The following ERC1 variants were observed in gnomAD, a reference collection of about 807,000 sequenced individuals.
ERC1 encodes RAB6 interacting protein 2.
A neutral mutation model predicts 132.0 loss-of-function variants in ERC1; 56 were observed. The observed-to-expected ratio is 0.42, with a 90% confidence interval of 0.34 to 0.53. The LOEUF (loss-of-function observed/expected upper bound fraction) is 0.53, where lower values mean the gene tolerates loss of function less well. ERC1 is among the 20% of genes least tolerant of loss of function. The pLI is 0.03. For missense variants in ERC1, 1,202 were observed against 1,349.9 expected, an observed-to-expected ratio of 0.89 and a Z score of 1.72; for synonymous variants, 478 against 476.1, an observed-to-expected ratio of 1.00 and a Z score of -0.05.
intron 13 of ERC1, among the ~76,000 whole-genome samples, chr12:1,251,815 T>C (rs971730557): frequency 6.6e-6 from 1 of 152,164 alleles, no homozygotes; most frequent in Non-Finnish European, 1.5e-5. Context: ...TAATGTGCTC[T>C]CCATAAAATG....
At chr12:1,470,752 T>G (rs1200651831) in intron 18 of ERC1, among the ~76,000 whole-genome samples, 4 of 152,240 alleles carry the variant, frequency 2.6e-5, no homozygotes, top group Non-Finnish European at 1.5e-5. Context: ...GCTTCTTTGT[T>G]TAGAATACTC....
intron 15 of ERC1, among the ~76,000 whole-genome samples, chr12:1,304,026 G>A (rs1233130783): frequency 6.7e-6 from 1 of 148,366 alleles, no homozygotes; most frequent in African/African-American, 2.5e-5. Flanking sequence ...TTTTTCTCAT[G>A]TATGATGAAG....
In ERC1 at chr12:1,357,981, T is replaced by C. The variant is rs557431541; in HGVS notation, c.2781-13852T>C. Among the ~76,000 whole-genome samples, 28 of 152,246 alleles carry C rather than the reference T, an allele frequency of 1.8e-4. No individual in the cohort carries two copies. The South Asian group carries it at 5.6e-3, about 30-fold the overall frequency. ...TGCCAGCTATTTTTAAAGGCAGATA[T>C]GTAGAAAGCAGAAGATCCTAAATTC... On this transcript the variant is annotated intron_variant, in intron 15 of 18. Coordinates refer to ENST00000360905, the MANE Select transcript of ERC1 (RefSeq NM_178040.4).
At position 1,221,073 on chromosome 12, in the gene ERC1, G is replaced by C. The variant is rs114332284; in HGVS notation, c.2352-15696G>C. On this transcript the variant is annotated intron_variant, in intron 12 of 18. Coordinates refer to ENST00000360905, the MANE Select transcript of ERC1 (RefSeq NM_178040.4). ...TATTTTTCCCATTGGACTTATCACT[G>C]TCTGACATACCATGTATTTTTCTTA... Among the ~76,000 whole-genome samples the C allele has an allele frequency of 2.0e-5, 3 of 152,078 alleles. No homozygotes were observed. In the South Asian group the frequency reaches 6.2e-4, roughly 32 times the overall value.
intron 16 of ERC1, among the ~76,000 whole-genome samples, chr12:1,374,391 C>A (rs1284057667): frequency 3.3e-5 from 5 of 152,126 alleles, no homozygotes; most frequent in Non-Finnish European, 5.9e-5. Flanking sequence ...CGCCCCCCCA[C>A]CCCCTACAGG....
intron 18 of ERC1, chr12:1,481,018 A>T: frequency 3.1e-6 from 2 of 635,252 alleles, no homozygotes; most frequent in South Asian, 3.5e-5. Flanking sequence ...TTTCTTCTAT[A>T]CATATATACC....
Position 1,490,235 on chromosome 12 carries a change from G to T in ERC1, c.*5G>T. The T allele has an allele frequency of 1.2e-6, 2 of 1,613,136 alleles. No homozygotes were observed. Among genetic ancestry groups the T allele is most frequent in the Non-Finnish European group, 8.5e-7 (1 of 1,179,418 alleles). On this transcript the variant is annotated 3_prime_UTR_variant, in exon 19 of 19. Coordinates refer to ENST00000360905, the MANE Select transcript of ERC1 (RefSeq NM_178040.4). ...GCCCTGGAAGAGTCCTCTTGACCCT[G>T]CTTTATGGGGAAGCCTGAGGTAGTC... is the stretch of plus-strand genomic sequence containing the variant.
chr12:1,453,926 C>T (rs554704563), intron 18 of ERC1, among the ~76,000 whole-genome samples: 45 of 151,946 alleles, frequency 3.0e-4, no homozygotes, highest in Non-Finnish European at 5.0e-4. Flanking sequence ...CTCTTGGAAT[C>T]CCCTGAGTGA....
intron 8 of ERC1, among the ~76,000 whole-genome samples, chr12:1,164,620 G>A (rs1293230807): frequency 3.9e-5 from 6 of 152,298 alleles, no homozygotes; most frequent in South Asian, 2.1e-4. Flanking sequence ...GATTACAGGC[G>A]TGAGCCACTG....
chr12:1,188,599 A>G (rs541329112), intron 11 of ERC1, among the ~76,000 whole-genome samples: 140 of 152,226 alleles, frequency 9.2e-4, no homozygotes, highest in Non-Finnish European at 1.8e-3. Flanking sequence ...AGGGAAGCCT[A>G]TATTTAAGAC....
chr12:1,161,483 A>AT (rs1443002602), intron 8 of ERC1, among the ~76,000 whole-genome samples: 1 of 152,190 alleles, frequency 6.6e-6, no homozygotes, highest in African/African-American at 2.4e-5. Context: ...TTTCTGTCTC[A>AT]TTACGAACTC....
chr12:1,175,096 T>A (rs1006054492), intron 8 of ERC1, among the ~76,000 whole-genome samples: 1 of 152,342 alleles, frequency 6.6e-6, no homozygotes, highest in Admixed American at 6.5e-5. Flanking sequence ...TTGCAAAATA[T>A]GCTAATGATT....
intron 12 of ERC1, among the ~76,000 whole-genome samples, chr12:1,233,904 G>A (rs1260458523): frequency 6.6e-6 from 1 of 152,068 alleles, no homozygotes; most frequent in East Asian, 1.9e-4. Flanking sequence ...GATTCAAATG[G>A]GGAAATTTGA....
chr12:1,211,531 A>G (rs1049272218), intron 12 of ERC1, among the ~76,000 whole-genome samples: 5 of 152,152 alleles, frequency 3.3e-5, no homozygotes, highest in Non-Finnish European at 7.3e-5. Context: ...GGAAGTGATC[A>G]TAATGATATA....
chr12:1,032,197 G>GC (rs1406506003), intron 2 of ERC1, among the ~76,000 whole-genome samples: 5 of 152,050 alleles, frequency 3.3e-5, no homozygotes, highest in East Asian at 3.9e-4. Context: ...GATTACAGGT[G>GC]CCCCCCACCA....
At chr12:1,373,765 C>T (rs759092933) in intron 16 of ERC1, among the ~76,000 whole-genome samples, 2 of 151,852 alleles carry the variant, frequency 1.3e-5, no homozygotes, top group African/African-American at 2.4e-5. Context: ...GACAAGAGGA[C>T]GAGAGTCCGT....
chr12:1,049,878 G>A (rs1054019310), intron 2 of ERC1, among the ~76,000 whole-genome samples: 1 of 150,770 alleles, frequency 6.6e-6, no homozygotes, highest in African/African-American at 2.4e-5. Context: ...TCAGCCTCCT[G>A]ATTTACAGGC....
intron 4 of ERC1, among the ~76,000 whole-genome samples, chr12:1,105,312 A>G (rs1945124642): frequency 6.6e-6 from 1 of 152,134 alleles, no homozygotes; most frequent in African/African-American, 2.4e-5. Flanking sequence ...GTCACACACA[A>G]TATTAAAAGT....
intron 13 of ERC1, among the ~76,000 whole-genome samples, chr12:1,249,616 A>G: frequency 6.6e-6 from 1 of 152,162 alleles, no homozygotes; most frequent in East Asian, 1.9e-4. Context: ...TACTTCATAA[A>G]TGCTTATTGA....
Sources: gnomAD v4.1 joint callset for allele counts (sites outside exome capture counted in the v4.1 genomes callset) on GRCh38, gnomAD v4.1.1 for gene constraint, MANE v1.5 for transcripts, NCBI Gene and HGNC (gene_info 2026-07-23, HGNC 2026-07-21) for gene names.